MEIOSIN: variants seen among roughly 807,000 people sequenced by gnomAD.
MEIOSIN encodes the protein meiosis initiator protein.
MEIOSIN carries 18 observed loss-of-function variants against 23.4 expected under a neutral mutation model. The observed-to-expected ratio is 0.77, with a 90% CI of 0.53 to 1.14. MEIOSIN has a LOEUF of 1.14. Among genes scored for constraint, MEIOSIN ranks in the 50% most tolerant of loss-of-function variants. The pLI is 0.00. For missense variants in MEIOSIN, 428 were observed against 242.9 expected, an observed-to-expected ratio of 1.76 and a Z score of -5.07; for synonymous variants, 187 against 100.6, an observed-to-expected ratio of 1.86 and a Z score of -5.14.
Position 45,758,931 on chromosome 19 carries a change from C to T in MEIOSIN, c.1066C>T (p.His356Tyr). 1 of 703,130 alleles carries T rather than the reference C, an allele frequency of 1.4e-6. No homozygotes were observed. Among genetic ancestry groups the T allele is most frequent in the South Asian group, 1.5e-5 (1 of 67,606 alleles). The allele number at this position is 703,130 out of a possible 1,614,324, so 43.6% of individuals were successfully genotyped here. ...GATTGATGTCTGGAGTGGAACAGGC[C>T]ACCCAAGTGAGATCCTCGGGCTCAG... ...PQIDVWSGTG[H>Y]PSEILGLSPS... Residue 356 changes from histidine to tyrosine, a missense_variant, in exon 10 of 15, where the codon CAC becomes TAC. His to Tyr is a moderately conservative substitution (Grantham distance 83, BLOSUM62 2). Coordinates refer to ENST00000457052, the MANE Select transcript of MEIOSIN (RefSeq NM_001310124.2).
At position 45,733,896 on chromosome 19, in the gene MEIOSIN, G is replaced by A. The variant is rs1046343157; in HGVS notation, c.-1+230G>A. On this transcript the variant is annotated intron_variant, in intron 1 of 14. Coordinates refer to ENST00000457052, the MANE Select transcript of MEIOSIN (RefSeq NM_001310124.2). This position sits in a 1 kb window ranked among gnomAD's most constrained non-coding sequence, Gnocchi z 5.7. ...GACTCTGTTTGTGTTGGGAATCCGG[G>A]CTCTCGAGTTCTGATCTGGGATCTC... Among the ~76,000 whole-genome samples, 1 of 152,202 alleles carries A rather than the reference G, an allele frequency of 6.6e-6. No homozygotes were observed. Among genetic ancestry groups the A allele is most frequent in the Non-Finnish European group, 1.5e-5 (1 of 68,034 alleles).
chr19:45,739,533 G>A, intron 2 of MEIOSIN, 93 bp from the exon 3 acceptor site: 1 of 689,820 alleles, frequency 1.4e-6, no homozygotes. Context: ...ACCCAGAAGA[G>A]AAAACATCTT....
At chr19:45,749,378 A>C (rs1313859533) in intron 4 of MEIOSIN, among the ~76,000 whole-genome samples, 1 of 149,328 alleles carries the variant, frequency 6.7e-6, no homozygotes, top group East Asian at 2.0e-4. Flanking sequence ...TGTCTCAAAA[A>C]AAAAAAAAAA....
intron 5 of MEIOSIN, 83 bp from the exon 6 acceptor site, chr19:45,753,568 G>A: frequency 1.6e-6 from 1 of 633,798 alleles, no homozygotes; most frequent in South Asian, 1.8e-5. Context: ...CCGGGACTGA[G>A]GAGCATTGTC....
intron 2 of MEIOSIN, among the ~76,000 whole-genome samples, chr19:45,736,946 G>A (rs927486879): frequency 3.4e-5 from 5 of 147,376 alleles, no homozygotes; most frequent in Non-Finnish European, 7.4e-5. Context: ...TCGGCTCTCT[G>A]CAACCTCCGC....
In MEIOSIN at chr19:45,745,313, C is replaced by T. The variant is rs1352500526; in HGVS notation, c.298C>T (p.Leu100Phe). ...PIALKTGTKK[L>F]TKKEILVHVL... ...AGCCCTGAAGACGGGGACCAAGAAGCTCACAAAGGTACAGGGACTAGAGGA... is the reference window on the plus strand; with the variant it reads ...AGCCCTGAAGACGGGGACCAAGAAGTTCACAAAGGTACAGGGACTAGAGGA... The change falls in exon 4 of 15, where the codon CTC (leucine) becomes TTC (phenylalanine). Residue 100 changes from leucine to phenylalanine, a missense_variant. By Grantham distance (22) the Leu-to-Phe change is conservative. Transcript: ENST00000457052. 3 of 702,824 alleles carry T rather than the reference C, an allele frequency of 4.3e-6. No individual in the cohort carries two copies. Among genetic ancestry groups the T allele is most frequent in the Non-Finnish European group, 7.8e-6 (3 of 385,006 alleles). 43.5% of individuals were successfully genotyped at this position (702,824 alleles called of 1,614,324 possible).
At chr19:45,759,177 A>C in intron 10 of MEIOSIN, 144 bp downstream of exon 10, 1 of 637,132 alleles carries the variant, frequency 1.6e-6, no homozygotes, top group Non-Finnish European at 2.8e-6. Flanking sequence ...GGGAGCAGCC[A>C]CAGGCTGGTG....
chr19:45,752,277 G>A (rs540575866), intron 5 of MEIOSIN, among the ~76,000 whole-genome samples: 49 of 151,810 alleles, frequency 3.2e-4, no homozygotes, highest in South Asian at 1.5e-3. Flanking sequence ...GTGCAGTGGC[G>A]TGATCTCAGC....
At chr19:45,749,690 A>T (rs968770432) in intron 4 of MEIOSIN, among the ~76,000 whole-genome samples, 1 of 146,560 alleles carries the variant, frequency 6.8e-6, no homozygotes, top group African/African-American at 2.6e-5. Context: ...AAAAAAAAAA[A>T]AGCGCAAAAA....
intron 11 of MEIOSIN, among the ~76,000 whole-genome samples, chr19:45,760,422 C>T (rs545090225): frequency 2.1e-4 from 31 of 149,412 alleles, no homozygotes; most frequent in African/African-American, 7.4e-4. Flanking sequence ...GTCTGGCCAT[C>T]ATGGCGAAAT....
chr19:45,751,976 AC>A (rs1353562690), intron 5 of MEIOSIN, among the ~76,000 whole-genome samples: 1 of 135,396 alleles, frequency 7.4e-6, no homozygotes, highest in African/African-American at 2.8e-5. Flanking sequence ...CAGGTGATCC[AC>A]CCACCTTGGC....
chr19:45,737,120 C>T (rs1037665871), intron 2 of MEIOSIN, among the ~76,000 whole-genome samples: 3 of 151,776 alleles, frequency 2.0e-5, no homozygotes, highest in African/African-American at 4.8e-5. Context: ...TCACCCGCCT[C>T]GGCCTCCCAA....
chr19:45,763,571 C>T, intron 14 of MEIOSIN, 144 bp downstream of exon 14: 1 of 397,450 alleles, frequency 2.5e-6, no homozygotes, highest in Non-Finnish European at 4.4e-6. Context: ...TTATGAAACC[C>T]TTGGGGGTGA....
At chr19:45,745,997 C>T (rs1331959218) in intron 4 of MEIOSIN, among the ~76,000 whole-genome samples, 1 of 152,068 alleles carries the variant, frequency 6.6e-6, no homozygotes, top group Non-Finnish European at 1.5e-5. Flanking sequence ...GAGACAGGAT[C>T]TCACTGTCTC....
rs11387482 is a variant in MEIOSIN, at chr19:45,752,919, C to CTT, written c.419-714_419-713dup. Among the ~76,000 whole-genome samples, 936 of 119,064 alleles carry CTT rather than the reference C, an allele frequency of 7.9e-3. 29 individuals carry two copies. The highest frequency in any genetic ancestry group is 0.043 in the Admixed American group (412 of 9,500). The allele number at this position is 119,064 out of a possible 152,430, so 78.1% of individuals were successfully genotyped here. On this transcript the variant is annotated intron_variant, in intron 5 of 14. Coordinates refer to ENST00000457052, the MANE Select transcript of MEIOSIN (RefSeq NM_001310124.2). ...GCTCTTACTCAGATAGTTTCTTCTT[C>CTT]TTTTTTTTTTTTTTTTTTTCTGAGG...
intron 9 of MEIOSIN, among the ~76,000 whole-genome samples, 180 bp from the exon 10 acceptor site, chr19:45,758,698 G>A (rs540570044): frequency 6.6e-6 from 1 of 152,356 alleles, no homozygotes; most frequent in African/African-American, 2.4e-5. Context: ...CCAAAGTGCT[G>A]GGTTACAGGC....
chr19:45,753,110 G>A (rs999496837), intron 5 of MEIOSIN, among the ~76,000 whole-genome samples: 2 of 152,030 alleles, frequency 1.3e-5, no homozygotes, highest in African/African-American at 4.8e-5. Flanking sequence ...CTGACATGTA[G>A]TGTTGAGGAC....
chr19:45,760,745 A>G (rs1052408738), intron 11 of MEIOSIN, among the ~76,000 whole-genome samples: 5 of 151,922 alleles, frequency 3.3e-5, no homozygotes, highest in Admixed American at 2.6e-4. Flanking sequence ...CTTGACCAAT[A>G]TGATGAAACC....
At position 45,751,863 on chromosome 19, in the gene MEIOSIN, T is replaced by C. The variant is rs1291683647; in HGVS notation, c.418+1077T>C. ...CTCCTGCCTCAGCCTCCCGAGTAGGTAGGATTACAGGCACTCACCACCACA... is the reference window on the plus strand; with the variant it reads ...CTCCTGCCTCAGCCTCCCGAGTAGGCAGGATTACAGGCACTCACCACCACA... On this transcript the variant is annotated intron_variant, in intron 5 of 14. Transcript: ENST00000457052. Among the ~76,000 whole-genome samples the C allele has an allele frequency of 2.0e-5, 3 of 151,356 alleles. No homozygotes were observed. The Admixed American group carries it at 2.0e-4, about 10-fold the overall frequency.
Sources: allele counts gnomAD v4.1 joint callset (sites outside exome capture counted in the v4.1 genomes callset), GRCh38; gene constraint gnomAD v4.1.1; non-coding constraint Gnocchi (gnomAD v3.1); transcripts MANE v1.5; gene names NCBI Gene and HGNC (gene_info 2026-07-23, HGNC 2026-07-21).